The following CHCHD6 variants were observed in gnomAD, a reference collection of about 807,000 sequenced individuals.
The protein encoded by CHCHD6 is MICOS complex subunit MIC25.
Under a neutral mutation model 32.3 loss-of-function variants are expected in CHCHD6, and 28 were observed. That is an observed-to-expected ratio of 0.87 (90% CI 0.64 to 1.19). The LOEUF (loss-of-function observed/expected upper bound fraction) is 1.19. CHCHD6 is among the 50% of genes most tolerant of loss of function. The pLI is 0.00. For missense variants in CHCHD6, 333 were observed against 307.0 expected, an observed-to-expected ratio of 1.08 and a Z score of -0.63; for synonymous variants, 122 against 117.5, an observed-to-expected ratio of 1.04 and a Z score of -0.25.
chr3:126,790,796 AT>A (rs1938492443), intron 4 of CHCHD6, among the ~76,000 whole-genome samples: 1 of 152,050 alleles, frequency 6.6e-6, no homozygotes, highest in African/African-American at 2.4e-5. Context: ...GAGAAGTTTG[AT>A]TGTCTGAAGC....
At chr3:126,852,809 G>C in intron 5 of CHCHD6, 79 bp downstream of exon 5, 1 of 978,130 alleles carries the variant, frequency 1.0e-6, no homozygotes, top group Non-Finnish European at 1.6e-6. Flanking sequence ...GTCATGGGGG[G>C]AGAGAGGAGT....
intron 5 of CHCHD6, among the ~76,000 whole-genome samples, chr3:126,888,879 G>A (rs2077714670): frequency 6.6e-6 from 1 of 152,208 alleles, no homozygotes; most frequent in African/African-American, 2.4e-5. Flanking sequence ...GGGAGAAAGT[G>A]GGCAAGTCAA....
chr3:126,842,074 T>C (rs978060788), intron 4 of CHCHD6, among the ~76,000 whole-genome samples: 1 of 152,108 alleles, frequency 6.6e-6, no homozygotes, highest in African/African-American at 2.4e-5. Context: ...CAAAATGCGA[T>C]CCCGTCTCTA....
rs1031803034 is a variant in CHCHD6 at position 126,761,490 on chromosome 3, A to G, written c.411+28268A>G. Among the ~76,000 whole-genome samples, 82 of 152,322 alleles carry G rather than the reference A, an allele frequency of 5.4e-4. 1 individual carries two copies. The highest frequency in any genetic ancestry group is 1.8e-3 in the African/African-American group (74 of 41,582). ...TTCCAATCAAGCTCACATTCTGCAC[A>G]TCATAGCTAACTCCAGCCTCCAATG... On this transcript the variant is annotated intron_variant, in intron 4 of 7. Transcript: ENST00000290913.
intron 4 of CHCHD6, among the ~76,000 whole-genome samples, chr3:126,798,604 G>T (rs985966254): frequency 1.5e-4 from 3 of 20,246 alleles, no homozygotes; most frequent in Non-Finnish European, 2.4e-4. Context: ...GGGTGCCCCC[G>T]CTCTGTGGCT....
intron 4 of CHCHD6, among the ~76,000 whole-genome samples, chr3:126,764,415 G>T (rs1011833240): frequency 2.0e-5 from 3 of 152,050 alleles, no homozygotes; most frequent in African/African-American, 7.2e-5. Context: ...TTCTCTAGGA[G>T]TACAAGACGA....
At chr3:126,829,230 T>G (rs778134415) in intron 4 of CHCHD6, among the ~76,000 whole-genome samples, 4 of 152,112 alleles carry the variant, frequency 2.6e-5, no homozygotes, top group Non-Finnish European at 4.4e-5. Flanking sequence ...GTTGTGGAAC[T>G]CTCCTTTCTG....
At chr3:126,786,708 T>C (rs1576414276) in intron 4 of CHCHD6, among the ~76,000 whole-genome samples, 1 of 152,252 alleles carries the variant, frequency 6.6e-6, no homozygotes, top group East Asian at 1.9e-4. Context: ...GAGATCATTG[T>C]AGATTCTGGA....
Position 126,733,112 on chromosome 3 carries a change from C to T in CHCHD6, c.301C>T (p.Leu101Phe), listed in dbSNP as rs149076054. 159 of 1,614,242 alleles carry T rather than the reference C, an allele frequency of 9.8e-5. No individual in the cohort carries two copies. In the African/African-American group the frequency reaches 1.5e-3, roughly 15 times the overall value. ...EQEHAAIQDK[L>F]FQVAKREREA... ...GGAGCATGCTGCTATCCAGGATAAG[C>T]TCTTCCAGGTGGCAAAGAGGGAAAG... Residue 101 changes from leucine (L) to phenylalanine (F), a missense_variant, in exon 4 of 8, where the codon CTC becomes TTC. Physicochemically the swap from Leu to Phe is conservative, Grantham distance 22 (BLOSUM62 0). Transcript: ENST00000290913.
chr3:126,886,533 T>G (rs1357562856), intron 5 of CHCHD6, among the ~76,000 whole-genome samples: 2 of 152,204 alleles, frequency 1.3e-5, no homozygotes, highest in East Asian at 3.8e-4. Context: ...TTGTAATGGC[T>G]TCAGAGCACC....
chr3:126,796,325 G>A (rs1463995466), intron 4 of CHCHD6, among the ~76,000 whole-genome samples: 1 of 152,154 alleles, frequency 6.6e-6, no homozygotes, highest in Non-Finnish European at 1.5e-5. Context: ...ACTCCAGCCT[G>A]AGCAACAGAG....
intron 5 of CHCHD6, among the ~76,000 whole-genome samples, chr3:126,882,371 G>A (rs2077622297): frequency 6.6e-6 from 1 of 152,196 alleles, no homozygotes; most frequent in Admixed American, 6.5e-5. Context: ...CTATGAAAGG[G>A]TTTTATCAAG....
intron 1 of CHCHD6, among the ~76,000 whole-genome samples, chr3:126,714,597 G>A (rs1934921125): frequency 6.6e-6 from 1 of 152,190 alleles, no homozygotes; most frequent in Non-Finnish European, 1.5e-5. Flanking sequence ...GACAGGCTGA[G>A]CCTCCTGGAA....
At chr3:126,839,025 G>T (rs1338153500) in intron 4 of CHCHD6, among the ~76,000 whole-genome samples, 1 of 151,546 alleles carries the variant, frequency 6.6e-6, no homozygotes, top group Non-Finnish European at 1.5e-5. Context: ...AGTAGCTGGG[G>T]CTACAGGCAT....
rs535606689 is a variant in CHCHD6 at position 126,822,238 on chromosome 3, A to G, written c.412-30409A>G. Among the ~76,000 whole-genome samples the G allele has an allele frequency of 1.8e-4, 27 of 152,270 alleles. 1 individual carries two copies. In the South Asian group the frequency reaches 5.4e-3, roughly 30 times the overall value. On this transcript the variant is annotated intron_variant, in intron 4 of 7. Coordinates refer to ENST00000290913, the MANE Select transcript of CHCHD6 (RefSeq NM_032343.3). ...TAATCCATTTTGAGTTAGTTTTTGT[A>G]TATGGTGTGAGGTTGGGGTCTAGTT... is the stretch of plus-strand genomic sequence containing the variant.
At chr3:126,802,674 G>A (rs1247090416) in intron 4 of CHCHD6, among the ~76,000 whole-genome samples, 2 of 152,162 alleles carry the variant, frequency 1.3e-5, no homozygotes, top group Admixed American at 6.5e-5. Context: ...CCCCAATCTA[G>A]CCATGCAGGC....
At chr3:126,907,473 A>G (rs1408930736) in intron 5 of CHCHD6, among the ~76,000 whole-genome samples, 1 of 152,198 alleles carries the variant, frequency 6.6e-6, no homozygotes, top group Non-Finnish European at 1.5e-5. Context: ...TTTTAAAAAG[A>G]CTTGTGTTCA....
intron 4 of CHCHD6, among the ~76,000 whole-genome samples, chr3:126,802,328 C>T (rs764353766): frequency 6.6e-5 from 10 of 152,030 alleles, no homozygotes; most frequent in Non-Finnish European, 1.0e-4. Flanking sequence ...AAAATTTAGA[C>T]GAATGTATAA....
chr3:126,789,492 G>C (rs1271470863), intron 4 of CHCHD6, among the ~76,000 whole-genome samples: 1 of 152,186 alleles, frequency 6.6e-6, no homozygotes, highest in East Asian at 1.9e-4. Flanking sequence ...CTTGCTTTAT[G>C]AATCTGGGTG....
Sources: allele counts gnomAD v4.1 joint callset (sites outside exome capture counted in the v4.1 genomes callset), GRCh38; gene constraint gnomAD v4.1.1; transcripts MANE v1.5; gene names NCBI Gene and HGNC (gene_info 2026-07-23, HGNC 2026-07-21).